The following GSG1L variants were observed in gnomAD, a reference collection of about 807,000 sequenced individuals.
GSG1L encodes germ cell-specific gene 1-like protein.
A neutral mutation model predicts 42.1 loss-of-function variants in GSG1L; 24 were observed. The observed-to-expected ratio is 0.57, with a 90% CI of 0.41 to 0.80. The LOEUF (loss-of-function observed/expected upper bound fraction) is 0.80, where lower values mean the gene tolerates loss of function less well. Ranked by LOEUF, GSG1L falls within the 30% of genes least tolerant of loss-of-function variation. The pLI is 0.00. For missense variants in GSG1L, 445 were observed against 472.2 expected (o/e 0.94, Z 0.53); for synonymous variants, 215 against 203.5 (o/e 1.06, Z -0.48).
chr16:27,849,218 A>G (rs1403225326), intron 3 of GSG1L, among the ~76,000 whole-genome samples: 7 of 147,486 alleles, frequency 4.7e-5, no homozygotes, highest in Non-Finnish European at 8.9e-5. Context: ...AAAAAAAAAA[A>G]AAAAAGAGAA....
At chr16:27,826,668 C>T (rs946097884) in intron 5 of GSG1L, among the ~76,000 whole-genome samples, 14 of 152,158 alleles carry the variant, frequency 9.2e-5, no homozygotes, top group Non-Finnish European at 4.4e-5. Context: ...TGCCCCAGGC[C>T]GTTTTGCACC....
intron 1 of GSG1L, among the ~76,000 whole-genome samples, chr16:28,010,632 A>G (rs1282259322): frequency 6.6e-6 from 1 of 152,158 alleles, no homozygotes; most frequent in Non-Finnish European, 1.5e-5. Context: ...CCCCAGCTCC[A>G]GTAAACTCAT....
chr16:28,002,452 C>A (rs528849832), intron 1 of GSG1L, among the ~76,000 whole-genome samples: 2 of 152,258 alleles, frequency 1.3e-5, no homozygotes, highest in Admixed American at 6.5e-5. Context: ...AAGATCCCAT[C>A]TCTACAAAAA....
chr16:27,973,169 G>A (rs374812433), intron 1 of GSG1L, among the ~76,000 whole-genome samples: 2 of 152,120 alleles, frequency 1.3e-5, no homozygotes, highest in African/African-American at 4.8e-5. Context: ...AGTGCTTAGG[G>A]CCAGGTGCGG....
At chr16:27,804,927 C>T (rs1447385171) in intron 6 of GSG1L, among the ~76,000 whole-genome samples, 1 of 5,218 alleles carries the variant, frequency 1.9e-4, no homozygotes, top group Non-Finnish European at 4.6e-4. Flanking sequence ...TGGGGGAGTG[C>T]TACGGGGGGC....
intron 3 of GSG1L, among the ~76,000 whole-genome samples, chr16:27,857,411 G>C (rs2083592576): frequency 2.1e-5 from 3 of 143,274 alleles, no homozygotes; most frequent in South Asian, 2.3e-4. Flanking sequence ...CTGGGCAAGA[G>C]AGCAAGACTA....
chr16:27,844,342 C>T (rs759792376), intron 4 of GSG1L, among the ~76,000 whole-genome samples: 1 of 152,166 alleles, frequency 6.6e-6, no homozygotes, highest in Admixed American at 6.5e-5. Flanking sequence ...GACCTGTTTC[C>T]TGTATTCAGA....
At chr16:28,049,231 T>C (rs1247229639) in intron 1 of GSG1L, among the ~76,000 whole-genome samples, 1 of 152,208 alleles carries the variant, frequency 6.6e-6, no homozygotes, top group Non-Finnish European at 1.5e-5. Context: ...CTTTAAATCC[T>C]TTTAAATTCC....
chr16:27,865,663 A>G (rs1368994040), intron 3 of GSG1L, among the ~76,000 whole-genome samples: 2 of 148,192 alleles, frequency 1.3e-5, no homozygotes, highest in South Asian at 2.1e-4. Context: ...ATATATATAT[A>G]TATCTGTTTG....
intron 1 of GSG1L, among the ~76,000 whole-genome samples, chr16:27,979,967 T>A (rs1019473136): frequency 6.6e-6 from 1 of 152,062 alleles, no homozygotes; most frequent in African/African-American, 2.4e-5. Flanking sequence ...GCTCCATAAA[T>A]AAGAGCTTTT....
intron 2 of GSG1L, among the ~76,000 whole-genome samples, chr16:27,941,316 A>C (rs1004777008): frequency 6.6e-6 from 1 of 151,862 alleles, no homozygotes; most frequent in Non-Finnish European, 1.5e-5. Flanking sequence ...CCAACAAAAA[A>C]ACAAACACTG....
intron 6 of GSG1L, among the ~76,000 whole-genome samples, chr16:27,794,778 T>A (rs1305959867): frequency 6.6e-6 from 1 of 152,186 alleles, no homozygotes; most frequent in Non-Finnish European, 1.5e-5. Flanking sequence ...GAGAGGCAGA[T>A]CCCAGCCTGT....
chr16:27,870,663 C>G (rs2083808556), intron 3 of GSG1L, among the ~76,000 whole-genome samples: 1 of 151,536 alleles, frequency 6.6e-6, no homozygotes, highest in South Asian at 2.1e-4. Flanking sequence ...TCAAACCTCA[C>G]ACGCCCAGAA....
chr16:27,851,239 C>A (rs552282875), intron 3 of GSG1L, among the ~76,000 whole-genome samples: 1 of 152,234 alleles, frequency 6.6e-6, no homozygotes, highest in Non-Finnish European at 1.5e-5. Flanking sequence ...CTCTGTTGCC[C>A]GGGCTGGAGT....
At chr16:28,004,863 G>C (rs2085622061) in intron 1 of GSG1L, among the ~76,000 whole-genome samples, 1 of 152,084 alleles carries the variant, frequency 6.6e-6, no homozygotes, top group African/African-American at 2.4e-5. Flanking sequence ...GAGAGAGTTG[G>C]AGACAGACGT....
intron 2 of GSG1L, among the ~76,000 whole-genome samples, chr16:27,889,534 A>ATT (rs2084099037): frequency 1.3e-5 from 2 of 151,956 alleles, no homozygotes; most frequent in African/African-American, 4.8e-5. Context: ...TCTTTGGAGG[A>ATT]TTGTCTTTGG....
chr16:27,856,722 T>C (rs1035542828), intron 3 of GSG1L, among the ~76,000 whole-genome samples: 5 of 152,248 alleles, frequency 3.3e-5, no homozygotes, highest in Non-Finnish European at 7.3e-5. Context: ...CCTTTCTGAA[T>C]GAATTTATGT....
At chr16:27,926,250 C>T (rs2084591056) in intron 2 of GSG1L, among the ~76,000 whole-genome samples, 1 of 152,176 alleles carries the variant, frequency 6.6e-6, no homozygotes, top group Non-Finnish European at 1.5e-5. Context: ...GAGGGATTAT[C>T]CATTTATTAA....
chr16:28,050,700 G>A (rs1425416405), intron 1 of GSG1L, among the ~76,000 whole-genome samples: 1 of 152,204 alleles, frequency 6.6e-6, no homozygotes. Flanking sequence ...AAGTCACAAA[G>A]AGGTTATGGC....
Sources: allele counts gnomAD v4.1 joint callset (sites outside exome capture counted in the v4.1 genomes callset), GRCh38; gene constraint gnomAD v4.1.1; transcripts MANE v1.5; gene names NCBI Gene and HGNC (gene_info 2026-07-23, HGNC 2026-07-21).